PCDH7: variants seen among roughly 807,000 people sequenced by gnomAD.
The protein encoded by PCDH7 is protocadherin 7, also known as protocadherin-7.
Under a neutral mutation model 58.9 loss-of-function variants are expected in PCDH7, and 17 were observed. That is an observed-to-expected ratio of 0.29 (90% CI 0.20 to 0.43). PCDH7 has a LOEUF of 0.43. PCDH7 is among the 20% of genes least tolerant of loss of function. The probability of loss-of-function intolerance (pLI) is 1.00; values close to 1 mark genes in which losing one functional copy is unlikely to be tolerated. For missense variants in PCDH7, 1,274 were observed against 1,441.0 expected (o/e 0.88, Z 1.88); for synonymous variants, 664 against 616.4 (o/e 1.08, Z -1.14).
chr4:30,724,200 A>G (rs766329011), exon 1 of PCDH7: 1 of 1,613,974 alleles, frequency 6.2e-7, no homozygotes, highest in South Asian at 1.1e-5. Flanking sequence ...TTACACCCCA[A>G]CAGCATGACA....
chr4:31,034,748 G>C (rs1397892798), intron 3 of PCDH7, among the ~76,000 whole-genome samples: 1 of 152,202 alleles, frequency 6.6e-6, no homozygotes, highest in Non-Finnish European at 1.5e-5. Flanking sequence ...AGACCCAGAG[G>C]GCAGGGAGCA....
chr4:31,034,841 AT>A (rs1755254675), intron 3 of PCDH7, among the ~76,000 whole-genome samples: 5 of 152,164 alleles, frequency 3.3e-5, no homozygotes. Context: ...AATAGGATTG[AT>A]TTAAGCCTCC....
chr4:31,041,260 T>C (rs1481736710), intron 3 of PCDH7, among the ~76,000 whole-genome samples: 2 of 152,222 alleles, frequency 1.3e-5, no homozygotes, highest in African/African-American at 4.8e-5. Context: ...TGGTACTGTC[T>C]AACTGCTTTT....
intron 1 of PCDH7, among the ~76,000 whole-genome samples, chr4:30,907,266 T>C (rs1216186740): frequency 6.6e-6 from 1 of 152,032 alleles, no homozygotes; most frequent in Non-Finnish European, 1.5e-5. Flanking sequence ...TGGGATCTGA[T>C]TACCTAAAGA....
chr4:30,992,082 T>G (rs1320400423), intron 3 of PCDH7, among the ~76,000 whole-genome samples: 2 of 152,150 alleles, frequency 1.3e-5, no homozygotes, highest in East Asian at 3.9e-4. Context: ...CTCAGTTTCC[T>G]TATCAAAAAA....
At chr4:30,954,580 T>C (rs1487093866) in intron 3 of PCDH7, among the ~76,000 whole-genome samples, 1 of 152,202 alleles carries the variant, frequency 6.6e-6, no homozygotes, top group Non-Finnish European at 1.5e-5. Context: ...TCTGCTTTGC[T>C]ATCACTGCTG....
chr4:30,808,254 C>T lies in PCDH7; in HGVS notation c.70+83658C>T, dbSNP rs563792234. On this transcript the variant is annotated intron_variant, in intron 1 of 3. Coordinates refer to the PCDH7 transcript ENST00000509759. ...AAAGAGCTGCTATAAATTGACTTTC[C>T]TAGCCTAAAATATTCGGTAATTTTT... Among the ~76,000 whole-genome samples, 20 of 152,264 alleles carry T rather than the reference C, an allele frequency of 1.3e-4. No individual in the cohort carries two copies. In the East Asian group the frequency reaches 3.7e-3, roughly 28 times the overall value.
chr4:31,033,510 C>A (rs1755132184), intron 3 of PCDH7, among the ~76,000 whole-genome samples: 1 of 152,138 alleles, frequency 6.6e-6, no homozygotes, highest in South Asian at 2.1e-4. Flanking sequence ...ATGCTAACTC[C>A]AATTGCGTCA....
At chr4:30,978,746 A>G (rs766131415) in intron 3 of PCDH7, among the ~76,000 whole-genome samples, 2 of 152,178 alleles carry the variant, frequency 1.3e-5, no homozygotes, top group Non-Finnish European at 2.9e-5. Flanking sequence ...CTTTTGTTTT[A>G]GTAATATCTG....
intron 3 of PCDH7, among the ~76,000 whole-genome samples, chr4:30,993,606 A>T (rs1751633593): frequency 1.3e-5 from 2 of 152,226 alleles, no homozygotes; most frequent in Admixed American, 1.3e-4. Context: ...CTGTCATTTT[A>T]GGTTTTGATA....
intron 2 of PCDH7, among the ~76,000 whole-genome samples, chr4:30,927,854 A>T (rs530217832): frequency 5.5e-3 from 80 of 14,484 alleles, no homozygotes; most frequent in African/African-American, 0.016. Flanking sequence ...AATGATCAAT[A>T]AAAAAAACCA....
chr4:30,874,026 A>G (rs919707861), intron 1 of PCDH7, among the ~76,000 whole-genome samples: 1 of 152,064 alleles, frequency 6.6e-6, no homozygotes, highest in African/African-American at 2.4e-5. Flanking sequence ...AATGGCAATC[A>G]TTAAAAAGTC....
chr4:30,829,329 A>C (rs975712732), intron 1 of PCDH7, among the ~76,000 whole-genome samples: 3 of 152,162 alleles, frequency 2.0e-5, no homozygotes, highest in African/African-American at 7.2e-5. Context: ...AAATATATGA[A>C]TATAGAAAAT....
At chr4:30,743,287 A>G (rs1388753957) in intron 1 of PCDH7, among the ~76,000 whole-genome samples, 1 of 152,190 alleles carries the variant, frequency 6.6e-6, no homozygotes, top group Non-Finnish European at 1.5e-5. Flanking sequence ...AATTGAAGAC[A>G]TATTATTTTA....
At chr4:31,100,185 G>A (rs1253333850) in intron 3 of PCDH7, among the ~76,000 whole-genome samples, 1 of 152,122 alleles carries the variant, frequency 6.6e-6, no homozygotes, top group Non-Finnish European at 1.5e-5. Context: ...CAAATAAAAA[G>A]CTGTAGTTGA....
intron 1 of PCDH7, among the ~76,000 whole-genome samples, chr4:30,882,330 A>G (rs1426282632): frequency 2.6e-5 from 4 of 151,780 alleles, no homozygotes; most frequent in African/African-American, 9.7e-5. Flanking sequence ...TGGGGCGGTC[A>G]TAGGTCACTG....
chr4:30,752,031 G>A (rs75544976), intron 1 of PCDH7, among the ~76,000 whole-genome samples: 255 of 152,212 alleles, frequency 1.7e-3, no homozygotes, highest in Non-Finnish European at 2.9e-3. Flanking sequence ...AACTAAAAGA[G>A]CATGATTGTC....
chr4:30,824,668 G>A (rs546652363), intron 1 of PCDH7, among the ~76,000 whole-genome samples: 6 of 152,094 alleles, frequency 3.9e-5, no homozygotes, highest in Admixed American at 1.3e-4. Context: ...ATACAGGCCC[G>A]GTTTTAGCAA....
intron 3 of PCDH7, among the ~76,000 whole-genome samples, chr4:30,968,340 C>CACTATA (rs1560541376): frequency 3.6e-5 from 3 of 83,468 alleles, no homozygotes; most frequent in African/African-American, 1.2e-4. Flanking sequence ...TATACACACA[C>CACTATA]TATATATATA....
Sources: allele counts gnomAD v4.1 joint callset (sites outside exome capture counted in the v4.1 genomes callset), GRCh38; gene constraint gnomAD v4.1.1; transcripts MANE v1.5; gene names NCBI Gene and HGNC (gene_info 2026-07-23, HGNC 2026-07-21).